The following TNPO1 variants were observed in gnomAD, a reference collection of about 807,000 sequenced individuals.
TNPO1 encodes the protein transportin-1.
A neutral mutation model predicts 119.5 loss-of-function variants in TNPO1; 8 were observed. That is an observed-to-expected ratio of 0.07 (90% CI 0.04 to 0.12). The LOEUF (loss-of-function observed/expected upper bound fraction) is 0.12, where lower values mean the gene tolerates loss of function less well. TNPO1 is among the 10% of genes least tolerant of loss of function. TNPO1 has a pLI of 1.00. For synonymous variants in TNPO1, 362 were observed against 363.0 expected, an observed-to-expected ratio of 1.00 and a Z score of 0.03; for missense variants, 576 against 1,089.8, an observed-to-expected ratio of 0.53 and a Z score of 6.64.
chr5:72,912,989 G>T lies in TNPO1; in HGVS notation c.*4316G>T, dbSNP rs967089125. ...TGAATTATTTTTGCAAATAATACAA[G>T]GAGGGGAAACTAACTTGCTACTAGT... On this transcript the variant is annotated 3_prime_UTR_variant, in exon 25 of 25. Coordinates refer to ENST00000337273, the MANE Select transcript of TNPO1 (RefSeq NM_002270.4). 1 of 152,430 alleles carries T rather than the reference G, an allele frequency of 6.6e-6. No homozygotes were observed. 9.4% of individuals were successfully genotyped at this position (152,430 alleles called of 1,614,324 possible).
At chr5:72,833,339 A>T (rs771779946) in intron 1 of TNPO1, among the ~76,000 whole-genome samples, 1 of 151,864 alleles carries the variant, frequency 6.6e-6, no homozygotes, top group Non-Finnish European at 1.5e-5. Context: ...GTCCACCTCT[A>T]CCTCCCTAAG....
intron 11 of TNPO1, among the ~76,000 whole-genome samples, chr5:72,883,649 G>A (rs191729155): frequency 1.3e-5 from 2 of 152,272 alleles, no homozygotes; most frequent in African/African-American, 2.4e-5. Flanking sequence ...TCATTGGTTG[G>A]TGGACATTTG....
intron 20 of TNPO1, among the ~76,000 whole-genome samples, chr5:72,899,024 T>C (rs1238231155): frequency 5.9e-5 from 9 of 152,200 alleles, no homozygotes; most frequent in African/African-American, 2.2e-4. Context: ...AATTGCAGAA[T>C]GCAGTTCCGA....
chr5:72,876,413 G>A (rs1747777831), intron 8 of TNPO1, among the ~76,000 whole-genome samples: 1 of 152,212 alleles, frequency 6.6e-6, no homozygotes, highest in Non-Finnish European at 1.5e-5. Context: ...TTGGCTTGGT[G>A]TGTTCCAGAG....
At chr5:72,849,967 C>T (rs1745423478) in intron 2 of TNPO1, among the ~76,000 whole-genome samples, 1 of 152,142 alleles carries the variant, frequency 6.6e-6, no homozygotes, top group Non-Finnish European at 1.5e-5. Flanking sequence ...TTAGGTACCT[C>T]ATAAATGCTT....
chr5:72,845,001 C>T (rs1312531637), intron 1 of TNPO1, among the ~76,000 whole-genome samples: 2 of 151,594 alleles, frequency 1.3e-5, no homozygotes, highest in Non-Finnish European at 2.9e-5. Flanking sequence ...TCACCACTTG[C>T]AGGCTACTTT....
chr5:72,827,589 G>A (rs946778273), intron 1 of TNPO1, among the ~76,000 whole-genome samples: 1 of 152,034 alleles, frequency 6.6e-6, no homozygotes, highest in Non-Finnish European at 1.5e-5. Context: ...AGGGAAATAA[G>A]GATCATTGCT....
chr5:72,890,482 ATAG>A (rs1164530156), intron 14 of TNPO1, among the ~76,000 whole-genome samples: 1 of 152,218 alleles, frequency 6.6e-6, no homozygotes, highest in East Asian at 1.9e-4. Flanking sequence ...GATTTAAGTG[ATAG>A]TAGAATTTTA....
At chr5:72,848,580 C>A in intron 2 of TNPO1, 82 bp downstream of exon 2, 1 of 732,064 alleles carries the variant, frequency 1.4e-6, no homozygotes, top group Non-Finnish European at 2.0e-6. Flanking sequence ...GGGCTCCCGT[C>A]GCCTCCGCCT....
chr5:72,834,954 T>C (rs963449641), intron 1 of TNPO1, among the ~76,000 whole-genome samples: 1 of 152,220 alleles, frequency 6.6e-6, no homozygotes, highest in South Asian at 2.1e-4. Context: ...TATGTGTAGA[T>C]ACACAAGTAC....
chr5:72,879,928 C>T (rs973286411), intron 9 of TNPO1, among the ~76,000 whole-genome samples: 2 of 152,172 alleles, frequency 1.3e-5, no homozygotes, highest in African/African-American at 2.4e-5. Context: ...TGACTCATGC[C>T]TGTAACCTCA....
At chr5:72,877,094 CAAAAAAAA>C (rs35883847) in intron 8 of TNPO1, 126 bp from the exon 9 acceptor site, 15 of 235,284 alleles carry the variant, frequency 6.4e-5, no homozygotes, top group South Asian at 1.8e-4. Context: ...GACTGCATCT[CAAAAAAAA>C]AAAAAAAAAA....
At position 72,856,718 on chromosome 5, in the gene TNPO1, C is replaced by G. The variant is rs553759174; in HGVS notation, c.355+795C>G. On this transcript the variant is annotated intron_variant, in intron 4 of 24. Coordinates refer to ENST00000337273, the MANE Select transcript of TNPO1 (RefSeq NM_002270.4). ...TTCAGCAGCAACTTTTTAGTCTTTTCAGAGCGTTCAGCTTATTTTCAGGGG... is the reference window on the plus strand; with the variant it reads ...TTCAGCAGCAACTTTTTAGTCTTTTGAGAGCGTTCAGCTTATTTTCAGGGG... 5.9e-5 allele frequency among the ~76,000 whole-genome samples: 9 copies of G among 152,252 alleles called. No homozygotes were observed. The East Asian group carries it at 1.3e-3, about 23-fold the overall frequency.
At chr5:72,837,524 C>T (rs1744736188) in intron 1 of TNPO1, among the ~76,000 whole-genome samples, 1 of 152,168 alleles carries the variant, frequency 6.6e-6, no homozygotes, top group East Asian at 1.9e-4. Flanking sequence ...AATTAAGTTT[C>T]AACATGAATT....
At chr5:72,830,070 G>T (rs1289576211) in intron 1 of TNPO1, among the ~76,000 whole-genome samples, 2 of 152,296 alleles carry the variant, frequency 1.3e-5, no homozygotes, top group African/African-American at 2.4e-5. Context: ...AATCAAGAGA[G>T]TGGTATAGTA....
chr5:72,879,642 G>C (rs578009484), intron 9 of TNPO1, among the ~76,000 whole-genome samples: 4 of 152,132 alleles, frequency 2.6e-5, no homozygotes, highest in Non-Finnish European at 4.4e-5. Context: ...TTACAGCCAT[G>C]GGCCACGGTA....
intron 24 of TNPO1, among the ~76,000 whole-genome samples, chr5:72,908,439 A>G (rs1750325819): frequency 6.6e-6 from 1 of 152,204 alleles, no homozygotes; most frequent in Admixed American, 6.5e-5. Flanking sequence ...GGCATATTTC[A>G]CTATACAAAG....
chr5:72,832,246 A>C (rs539201735), intron 1 of TNPO1, among the ~76,000 whole-genome samples: 14 of 152,294 alleles, frequency 9.2e-5, no homozygotes, highest in African/African-American at 3.1e-4. Flanking sequence ...TCAGCAGCAT[A>C]GGATATTATC....
Position 72,851,414 on chromosome 5 carries a change from G to T in TNPO1, c.205+95G>T, listed in dbSNP as rs1316786019. 5.4e-6 allele frequency: 4 copies of T among 745,628 alleles called. No individual in the cohort carries two copies. The East Asian group carries it at 8.1e-5, about 15-fold the overall frequency. 46.2% of individuals were successfully genotyped at this position (745,628 alleles called of 1,614,324 possible). Reference sequence around the variant, plus strand: ...TCATTTCAAAGGATTTCATTTTGTAGTAACCTTGTGCTTTATAGATGTGGG... The same window carrying T: ...TCATTTCAAAGGATTTCATTTTGTATTAACCTTGTGCTTTATAGATGTGGG... On this transcript the variant is annotated intron_variant, in intron 3 of 24. Coordinates refer to ENST00000337273, the MANE Select transcript of TNPO1 (RefSeq NM_002270.4).
Sources: gnomAD v4.1 joint callset for allele counts (sites outside exome capture counted in the v4.1 genomes callset) on GRCh38, gnomAD v4.1.1 for gene constraint, MANE v1.5 for transcripts, NCBI Gene and HGNC (gene_info 2026-07-23, HGNC 2026-07-21) for gene names.